Variants in PICK1 observed in about 807,000 individuals in gnomAD.
The protein encoded by PICK1 is protein interacting with PRKCA 1.
PICK1 carries 23 observed loss-of-function variants against 48.9 expected under a neutral mutation model. The observed-to-expected ratio is 0.47, with a 90% CI of 0.34 to 0.67. The LOEUF is 0.67. Ranked by LOEUF, PICK1 falls within the 30% of genes least tolerant of loss-of-function variation. PICK1 has a pLI of 0.01. For missense variants in PICK1, 423 were observed against 557.1 expected, an observed-to-expected ratio of 0.76 and a Z score of 2.42; for synonymous variants, 217 against 228.2, an observed-to-expected ratio of 0.95 and a Z score of 0.44.
upstream of PICK1, chr22:38,057,364 G>C (rs1449813958): frequency 4.6e-6 from 1 of 219,380 alleles, no homozygotes; most frequent in Non-Finnish European, 9.3e-6. Flanking sequence ...TATCCAGTGG[G>C]GGGAAAGCCG....
At chr22:38,072,101 C>T in intron 8 of PICK1, 1 of 488,856 alleles carries the variant, frequency 2.0e-6, no homozygotes, top group Non-Finnish European at 3.7e-6. Flanking sequence ...ACACTGCTCC[C>T]AAGTGGTGGA....
chr22:38,065,905 C>T (rs2085513222), intron 4 of PICK1, among the ~76,000 whole-genome samples: 1 of 152,136 alleles, frequency 6.6e-6, no homozygotes, highest in African/African-American at 2.4e-5. Context: ...TTCAGCTTGG[C>T]CAAGGGTGGC....
chr22:38,069,203 C>T, intron 6 of PICK1, 81 bp downstream of exon 6: 1 of 1,033,562 alleles, frequency 9.7e-7, no homozygotes, highest in South Asian at 1.4e-5. Context: ...GGCTGCCCAC[C>T]AAGCTGCTGT....
At chr22:38,065,332 C>G (rs2085499924) in intron 4 of PICK1, 1 of 581,822 alleles carries the variant, frequency 1.7e-6, no homozygotes, top group Non-Finnish European at 3.2e-6. Flanking sequence ...TGCTCCAGGA[C>G]TTGTGCTGAA....
Position 38,074,351 on chromosome 22 carries a change from G to A in PICK1, c.879G>A (p.Glu293=). 4 of 1,612,902 alleles carry A rather than the reference G, an allele frequency of 2.5e-6. No homozygotes were observed. Among genetic ancestry groups the A allele is most frequent in the Non-Finnish European group, 3.4e-6 (4 of 1,179,922 alleles). Residue 293 remains glutamate, a synonymous_variant, in exon 12 of 13, where the codon GAG becomes GAA. Transcript: ENST00000356976. This position sits in a 1 kb window ranked among gnomAD's most constrained non-coding sequence, Gnocchi z 4.5. ...ACCGGGTGAGCACCGGCAACTATGA[G>A]TACCGCCTGATCCTGCGCTGCCGCC... is the stretch of plus-strand genomic sequence containing the variant. ...PLYRVSTGNY[E]YRLILRCRQE...
rs991098116 is a variant in PICK1, at chr22:38,074,861, C to T, written c.980-3C>T. 2 of 1,611,134 alleles carry T rather than the reference C, an allele frequency of 1.2e-6. No individual in the cohort carries two copies. Among genetic ancestry groups the T allele is most frequent in the African/African-American group, 1.3e-5 (1 of 74,938 alleles). ...CAGCCTGTCCCCCGACCTCCCACCC[C>T]AGTCCAGGACATCGTGTTCCAGCTG... On this transcript the variant is annotated splice_polypyrimidine_tract_variant and splice_region_variant and intron_variant, in intron 12 of 12. Coordinates refer to ENST00000356976, the MANE Select transcript of PICK1 (RefSeq NM_012407.4). This position sits in a 1 kb window ranked among gnomAD's most constrained non-coding sequence, Gnocchi z 4.5.
At chr22:38,068,682 C>T (rs2085594955) in intron 5 of PICK1, among the ~76,000 whole-genome samples, 3 of 152,214 alleles carry the variant, frequency 2.0e-5, no homozygotes, top group African/African-American at 7.2e-5. Context: ...CTTTATGTGA[C>T]ACCCTAGGTC....
Position 38,075,292 on chromosome 22 carries a change from C to T in PICK1, c.*160C>T. Reference sequence around the variant, plus strand: ...CTCGCACAGCGAACCTGGGCTCCTGCCCAGGACAGGCACCAGGGTCATGGC... The same window carrying T: ...CTCGCACAGCGAACCTGGGCTCCTGTCCAGGACAGGCACCAGGGTCATGGC... On this transcript the variant is annotated 3_prime_UTR_variant, in exon 13 of 13. Transcript: ENST00000356976. 1 of 690,218 alleles carries T rather than the reference C, an allele frequency of 1.4e-6. No individual in the cohort carries two copies. Among genetic ancestry groups the T allele is most frequent in the South Asian group, 1.9e-5 (1 of 51,646 alleles). The allele number at this position is 690,218 out of a possible 1,614,324, so 42.8% of individuals were successfully genotyped here. A position where few individuals can be genotyped will look rare whatever the true frequency, so the allele number is the denominator to read the frequency against.
chr22:38,070,453 C>A (rs1203255510), intron 6 of PICK1, among the ~76,000 whole-genome samples: 1 of 152,198 alleles, frequency 6.6e-6, no homozygotes. Context: ...CCCTCCCTCC[C>A]CAAGTTGCGT....
chr22:38,065,586 G>A lies in PICK1; in HGVS notation c.282+456G>A, dbSNP rs994181730. Among the ~76,000 whole-genome samples, 7 of 152,204 alleles carry A rather than the reference G, an allele frequency of 4.6e-5. No individual in the cohort carries two copies. The East Asian group carries it at 9.7e-4, about 21-fold the overall frequency. ...CTTTCCCCATCCTGTAGGAACTTTC[G>A]GTCCCACACAGCCTCCTGGGCTCAT... On this transcript the variant is annotated intron_variant, in intron 4 of 12. Coordinates refer to ENST00000356976, the MANE Select transcript of PICK1 (RefSeq NM_012407.4).
Position 38,073,807 on chromosome 22 carries a change from A to G in PICK1, c.818A>G (p.Glu273Gly). The G allele has an allele frequency of 3.1e-6, 5 of 1,612,780 alleles. No individual in the cohort carries two copies. Among genetic ancestry groups the G allele is most frequent in the Non-Finnish European group, 4.2e-6 (5 of 1,179,586 alleles). ...YCLKVKEMDD[E>G]EYSCIALGEP... The stretch of plus-strand genomic sequence containing the variant: ...CTGAAGGTGAAGGAGATGGATGACG[A>G]GGAATACAGCTGCATTGTGAGTGTT... The change falls in exon 11 of 13, where the codon GAG (glutamate) becomes GGG (glycine). Residue 273 changes from glutamate to glycine, a missense_variant. Glu to Gly is a moderately conservative substitution (Grantham distance 98). This residue lies in a region of PICK1 where 279 missense variants were observed against 417.8 expected (regional missense o/e 0.67). Coordinates refer to ENST00000356976, the MANE Select transcript of PICK1 (RefSeq NM_012407.4). The surrounding 1 kb of genome is among the most constrained non-coding windows in gnomAD (Gnocchi z 5.7).
Position 38,065,296 on chromosome 22 carries a change from C to T in PICK1, c.282+166C>T, listed in dbSNP as rs1321063839. On this transcript the variant is annotated intron_variant, in intron 4 of 12. Transcript: ENST00000356976. Reference sequence around the variant, plus strand: ...ACACTCCAGCCTCCCTCATCCATCCCTCATTCATTCAATAAATACTAATCG... The same window carrying T: ...ACACTCCAGCCTCCCTCATCCATCCTTCATTCATTCAATAAATACTAATCG... The T allele has an allele frequency of 7.1e-6, 5 of 699,806 alleles. No individual in the cohort carries two copies. The East Asian group carries it at 1.4e-4, about 20-fold the overall frequency. The allele number at this position is 699,806 out of a possible 1,614,324, so 43.3% of individuals were successfully genotyped here. A position where few individuals can be genotyped will look rare whatever the true frequency, so the allele number is the denominator to read the frequency against.
At chr22:38,072,864 AG>A in intron 9 of PICK1, 135 bp from the exon 10 acceptor site, 1 of 840,112 alleles carries the variant, frequency 1.2e-6, no homozygotes, top group Non-Finnish European at 2.1e-6. Context: ...CATCCTTGAG[AG>A]GGACAAGGCA....
chr22:38,063,303 C>T (rs112729698), intron 3 of PICK1, among the ~76,000 whole-genome samples: 3,720 of 150,646 alleles, frequency 0.025, 154 homozygotes, highest in African/African-American at 0.086. Context: ...ACTACAGGCA[C>T]GCGCCACCAT....
chr22:38,057,756 C>G lies in PICK1; in HGVS notation c.-54C>G, dbSNP rs989409275. 13 of 1,538,036 alleles carry G rather than the reference C, an allele frequency of 8.5e-6. No individual in the cohort carries two copies. The highest frequency in any genetic ancestry group is 1.2e-5 in the Non-Finnish European group (13 of 1,110,886). On this transcript the variant is annotated 5_prime_UTR_variant, in exon 2 of 13. Transcript: ENST00000356976. ...CTCCTTTCTCTCCCGGATCCAGTTC[C>G]CCATTCCCCTACCGAGCTGGGCAGT...
At position 38,067,417 on chromosome 22, in the gene PICK1, CT is replaced by C. The variant is rs1214179051; in HGVS notation, c.283-284del. 5.1e-5 allele frequency: 19 copies of C among 372,320 alleles called. No homozygotes were observed. In the Admixed American group the frequency reaches 6.5e-4, roughly 13 times the overall value. 23.1% of individuals were successfully genotyped at this position (372,320 alleles called of 1,614,324 possible). ...CTCCGCCTCCCAGGTTCAAGTGATT[CT>C]TTGCCTCAGCCTCCTGAGCAGCTGG... On this transcript the variant is annotated intron_variant, in intron 4 of 12. Coordinates refer to ENST00000356976, the MANE Select transcript of PICK1 (RefSeq NM_012407.4).
intron 2 of PICK1, 67 bp downstream of exon 2, chr22:38,057,917 C>G: frequency 8.0e-7 from 1 of 1,250,148 alleles, no homozygotes; most frequent in Non-Finnish European, 1.2e-6. Context: ...CCCTGGACTT[C>G]CCAGTCCCAC....
In PICK1 at chr22:38,075,498, C is replaced by G; in HGVS notation, c.*366C>G. The G allele has an allele frequency of 4.4e-6, 1 of 224,768 alleles. No homozygotes were observed. The allele number at this position is 224,768 out of a possible 1,614,324, so 13.9% of individuals were successfully genotyped here. A position where few individuals can be genotyped will look rare whatever the true frequency, so the allele number is the denominator to read the frequency against. On this transcript the variant is annotated 3_prime_UTR_variant, in exon 13 of 13. Coordinates refer to ENST00000356976, the MANE Select transcript of PICK1 (RefSeq NM_012407.4). ...GTGGGCGCTCACACTGCCCCCGGAG[C>G]CTGCTGGGAGTGGGGCCAGCCGTGG...
At position 38,063,505 on chromosome 22, in the gene PICK1, C is replaced by T. The variant is rs191320666; in HGVS notation, c.154-1497C>T. On this transcript the variant is annotated intron_variant, in intron 3 of 12. Coordinates refer to ENST00000356976, the MANE Select transcript of PICK1 (RefSeq NM_012407.4). ...TTAAGAATTCTCTACAAAGCACAAT[C>T]GGCTAAGAGGAAAAAAAGAAAAAAG... is the stretch of plus-strand genomic sequence containing the variant. Among the ~76,000 whole-genome samples, 268 of 151,904 alleles carry T rather than the reference C, an allele frequency of 1.8e-3. 2 individuals carry two copies. Among genetic ancestry groups the T allele is most frequent in the Non-Finnish European group, 2.9e-4 (20 of 67,978 alleles).
Sources: gnomAD v4.1 joint callset for allele counts (sites outside exome capture counted in the v4.1 genomes callset) on GRCh38, gnomAD v4.1.1 for gene constraint, gnomAD v4.1.1 regional missense constraint, Gnocchi (gnomAD v3.1) non-coding constraint, MANE v1.5 for transcripts, NCBI Gene and HGNC (gene_info 2026-07-23, HGNC 2026-07-21) for gene names.